Variants in PRTFDC1 observed in about 807,000 individuals in gnomAD.
The protein encoded by PRTFDC1 is phosphoribosyl transferase domain containing 1.
A neutral mutation model predicts 34.6 loss-of-function variants in PRTFDC1; 38 were observed. That is an observed-to-expected ratio of 1.10 (90% CI 0.85 to 1.44). The LOEUF (loss-of-function observed/expected upper bound fraction) is 1.44, where lower values mean the gene tolerates loss of function less well. Among genes scored for constraint, PRTFDC1 ranks in the 40% most tolerant of loss-of-function variants. The probability of loss-of-function intolerance (pLI) is 0.00; values close to 1 mark genes in which losing one functional copy is unlikely to be tolerated. For missense variants in PRTFDC1, 270 were observed against 283.0 expected (o/e 0.95, Z 0.33); for synonymous variants, 93 against 98.1 (o/e 0.95, Z 0.31).
chr10:24,918,490 C>T (rs1410363936), intron 3 of PRTFDC1, among the ~76,000 whole-genome samples: 1 of 152,016 alleles, frequency 6.6e-6, no homozygotes, highest in Non-Finnish European at 1.5e-5. Flanking sequence ...GATTATAGCT[C>T]ACCGCAGTCT....
At chr10:24,917,869 C>T (rs1208301768) in intron 3 of PRTFDC1, among the ~76,000 whole-genome samples, 1 of 152,166 alleles carries the variant, frequency 6.6e-6, no homozygotes, top group Non-Finnish European at 1.5e-5. Context: ...TGGTCACATG[C>T]CCGGCTGCTA....
intron 3 of PRTFDC1, among the ~76,000 whole-genome samples, chr10:24,912,268 CAAAAAAAAAAAAAAA>C (rs58294462): frequency 5.6e-5 from 3 of 53,946 alleles, no homozygotes; most frequent in Admixed American, 7.6e-4. Context: ...GACTTCATCT[CAAAAAAAAAAAAAAA>C]AAAAAAAAAA....
At chr10:24,916,604 T>A (rs943835078) in intron 3 of PRTFDC1, among the ~76,000 whole-genome samples, 2 of 152,214 alleles carry the variant, frequency 1.3e-5, no homozygotes, top group South Asian at 2.1e-4. Context: ...TGGGACTGAC[T>A]TCCCCTGTCT....
intron 3 of PRTFDC1, among the ~76,000 whole-genome samples, chr10:24,894,245 C>T (rs1362803610): frequency 1.3e-5 from 2 of 150,564 alleles, no homozygotes; most frequent in Non-Finnish European, 2.9e-5. Context: ...GCAGGAGACT[C>T]GCTTGAACCT....
At chr10:24,939,872 G>A (rs1165103607) in intron 2 of PRTFDC1, among the ~76,000 whole-genome samples, 1 of 151,150 alleles carries the variant, frequency 6.6e-6, no homozygotes, top group Non-Finnish European at 1.5e-5. Context: ...AATGGATGGA[G>A]TAAGACATGC....
chr10:24,890,782 C>A (rs1848247270), intron 3 of PRTFDC1, among the ~76,000 whole-genome samples: 1 of 152,228 alleles, frequency 6.6e-6, no homozygotes. Context: ...GGGTCGCCTG[C>A]CTCTGTGAGA....
In PRTFDC1 at chr10:24,945,763, C is replaced by A. The variant is rs189489143; in HGVS notation, c.49-3327G>T. Among the ~76,000 whole-genome samples the A allele has an allele frequency of 8.5e-4, 129 of 152,296 alleles. 1 individual carries two copies. Among genetic ancestry groups the A allele is most frequent in the Non-Finnish European group, 1.6e-3 (106 of 68,018 alleles). On this transcript the variant is annotated intron_variant, in intron 1 of 8. Coordinates refer to ENST00000320152, the MANE Select transcript of PRTFDC1 (RefSeq NM_020200.7). ...TGAGCCATCATGCCTGGTCAATCTGCATATTTGATTTGAAAAGTGTCTCGT... is the reference window on the plus strand; with the variant it reads ...TGAGCCATCATGCCTGGTCAATCTGAATATTTGATTTGAAAAGTGTCTCGT...
chr10:24,894,924 G>A (rs573386592), intron 3 of PRTFDC1, among the ~76,000 whole-genome samples: 4 of 152,148 alleles, frequency 2.6e-5, no homozygotes, highest in African/African-American at 4.8e-5. Context: ...GGCCCCACCC[G>A]TGGGTGGTGA....
At chr10:24,945,289 T>C (rs908348987) in intron 1 of PRTFDC1, among the ~76,000 whole-genome samples, 14 of 152,138 alleles carry the variant, frequency 9.2e-5, no homozygotes, top group Admixed American at 6.6e-5. Context: ...AAATGTTAAA[T>C]GAATGAATGG....
intron 8 of PRTFDC1, 90 bp downstream of exon 8, chr10:24,851,298 T>C: frequency 6.6e-7 from 1 of 1,516,258 alleles, no homozygotes; most frequent in Non-Finnish European, 8.8e-7. Context: ...ACTCAATCAA[T>C]AGCAGACATC....
chr10:24,888,098 T>C (rs11014282), intron 3 of PRTFDC1, among the ~76,000 whole-genome samples: 12,913 of 152,246 alleles, frequency 0.085, 722 homozygotes, highest in African/African-American at 0.16. Flanking sequence ...GTCACAAACT[T>C]CTGGGCTCAA....
At chr10:24,930,753 T>G (rs958288678) in intron 3 of PRTFDC1, among the ~76,000 whole-genome samples, 1 of 152,172 alleles carries the variant, frequency 6.6e-6, no homozygotes, top group African/African-American at 2.4e-5. Context: ...ACAAATATAA[T>G]AAGGCTGCCT....
intron 3 of PRTFDC1, among the ~76,000 whole-genome samples, chr10:24,928,915 C>T (rs1489949562): frequency 2.6e-5 from 4 of 151,430 alleles, no homozygotes; most frequent in Non-Finnish European, 4.4e-5. Flanking sequence ...TGGCGGGCGC[C>T]TGTAGTCCCA....
intron 4 of PRTFDC1, among the ~76,000 whole-genome samples, chr10:24,860,670 C>T (rs544331893): frequency 3.3e-5 from 5 of 152,068 alleles, no homozygotes; most frequent in Non-Finnish European, 5.9e-5. Flanking sequence ...GGGCATGCCA[C>T]GTTACCCTCC....
intron 4 of PRTFDC1, among the ~76,000 whole-genome samples, chr10:24,859,658 T>A (rs1017256184): frequency 1.3e-5 from 2 of 152,190 alleles, no homozygotes; most frequent in Non-Finnish European, 2.9e-5. Flanking sequence ...CCTTTTCTCT[T>A]TATAAATTAC....
At chr10:24,884,063 C>G (rs1297199663) in intron 3 of PRTFDC1, among the ~76,000 whole-genome samples, 4 of 151,704 alleles carry the variant, frequency 2.6e-5, no homozygotes, top group African/African-American at 9.7e-5. Context: ...AACTCCTGAC[C>G]TCAGGTGATC....
intron 4 of PRTFDC1, chr10:24,868,021 G>A (rs1847812765): frequency 6.6e-6 from 1 of 152,244 alleles, no homozygotes; most frequent in South Asian, 2.1e-4. Flanking sequence ...TCAAACTCCT[G>A]ACCTCAAGTG....
intron 4 of PRTFDC1, among the ~76,000 whole-genome samples, chr10:24,858,917 G>A (rs1565257021): frequency 6.6e-6 from 1 of 152,186 alleles, no homozygotes. Context: ...GGGTAGGCTA[G>A]AGAAAGGGCT....
At chr10:24,926,646 G>A (rs1848880696) in intron 3 of PRTFDC1, among the ~76,000 whole-genome samples, 3 of 152,188 alleles carry the variant, frequency 2.0e-5, no homozygotes, top group Non-Finnish European at 4.4e-5. Flanking sequence ...ACTGCGTCCG[G>A]CCATTTCATC....
Sources: allele counts gnomAD v4.1 joint callset (sites outside exome capture counted in the v4.1 genomes callset), GRCh38; gene constraint gnomAD v4.1.1; transcripts MANE v1.5; gene names NCBI Gene and HGNC (gene_info 2026-07-23, HGNC 2026-07-21).